Variants in PRKG1 observed in about 807,000 individuals in gnomAD.
The protein encoded by PRKG1 is cGMP-dependent protein kinase 1.
PRKG1 carries 35 observed loss-of-function variants against 88.1 expected under a neutral mutation model. The observed-to-expected ratio is 0.40, with a 90% CI of 0.30 to 0.53. The LOEUF (loss-of-function observed/expected upper bound fraction) is 0.53. PRKG1 is among the 20% of genes least tolerant of loss of function. The pLI is 0.59. For synonymous variants in PRKG1, 303 were observed against 292.5 expected, an observed-to-expected ratio of 1.04 and a Z score of -0.37; for missense variants, 540 against 839.8, an observed-to-expected ratio of 0.64 and a Z score of 4.41.
rs115856698 is a variant in PRKG1 at position 51,024,023 on chromosome 10, T to G, written c.266+32379T>G. Among the ~76,000 whole-genome samples the G allele has an allele frequency of 3.9e-3, 592 of 152,312 alleles. 9 individuals carry two copies. Among genetic ancestry groups the G allele is most frequent in the African/African-American group, 0.013 (561 of 41,568 alleles). On this transcript the variant is annotated intron_variant, in intron 1 of 17. Transcript: ENST00000401604. ...TTTTCAACATATCAGAATAATAGAT[T>G]GCATTCAAAATTTAGCATCTCTGTA... is the stretch of plus-strand genomic sequence containing the variant.
intron 5 of PRKG1, among the ~76,000 whole-genome samples, chr10:51,948,683 G>A (rs1317327363): frequency 1.3e-5 from 2 of 152,058 alleles, no homozygotes; most frequent in Non-Finnish European, 2.9e-5. Flanking sequence ...CAAAGACAGA[G>A]TTTCAACGAG....
At chr10:52,090,061 C>T (rs1324050752) in intron 7 of PRKG1, among the ~76,000 whole-genome samples, 2 of 152,030 alleles carry the variant, frequency 1.3e-5, no homozygotes, top group African/African-American at 4.8e-5. Context: ...GATCCACCTG[C>T]CTTGCCCTCT....
At chr10:52,157,297 G>T in intron 8 of PRKG1, among the ~76,000 whole-genome samples, 1 of 117,874 alleles carries the variant, frequency 8.5e-6, no homozygotes, top group South Asian at 2.7e-4. Flanking sequence ...TATTGTGTGT[G>T]AGTTAGTTGA....
chr10:51,542,006 C>T (rs1223087657), intron 3 of PRKG1, among the ~76,000 whole-genome samples: 5 of 152,052 alleles, frequency 3.3e-5, no homozygotes, highest in Admixed American at 3.3e-4. Context: ...CAGAGACACT[C>T]CAGGCTCTTG....
Position 51,354,560 on chromosome 10 carries a change from TAATAC to T in PRKG1, c.479-113155_479-113151del, listed in dbSNP as rs796524408. Among the ~76,000 whole-genome samples, 183 of 152,244 alleles carry T rather than the reference TAATAC, an allele frequency of 1.2e-3. 3 individuals carry two copies. Among genetic ancestry groups the T allele is most frequent in the African/African-American group, 4.1e-3 (172 of 41,568 alleles). On this transcript the variant is annotated intron_variant, in intron 2 of 17. Coordinates refer to ENST00000373980, the MANE Select transcript of PRKG1 (RefSeq NM_006258.4). ...ACTTCCATATATAATTATAGCTGAA[TAATAC>T]AATACAACAAATGTAAAAATCAACT...
At chr10:51,104,970 A>G (rs1844795252) in intron 1 of PRKG1, among the ~76,000 whole-genome samples, 1 of 152,008 alleles carries the variant, frequency 6.6e-6, no homozygotes, top group African/African-American at 2.4e-5. Context: ...ACCTCAAGTG[A>G]TCACCCACCC....
In PRKG1 at chr10:52,280,863, A is replaced by G; in HGVS notation, c.1478A>G (p.Lys493Arg). 1 of 1,613,416 alleles carries G rather than the reference A, an allele frequency of 6.2e-7. No individual in the cohort carries two copies. Among genetic ancestry groups the G allele is most frequent in the Non-Finnish European group, 8.5e-7 (1 of 1,179,550 alleles). Reference sequence around the variant, plus strand: ...GAAGCTTTTGCCTATCTGCATTCCAAAGGAATCATTTACAGGGACCTCAAG... The same window carrying G: ...GAAGCTTTTGCCTATCTGCATTCCAGAGGAATCATTTACAGGGACCTCAAG... ...VVEAFAYLHS[K>R]GIIYRDLKPE... Residue 493 changes from lysine (K) to arginine (R), a missense_variant, in exon 13 of 18, where the codon AAA (lysine) becomes AGA (arginine). Lys to Arg is a conservative substitution (Grantham distance 26). Transcript: ENST00000373980.
intron 2 of PRKG1, among the ~76,000 whole-genome samples, chr10:51,412,576 G>A (rs924313845): frequency 4.6e-5 from 7 of 152,072 alleles, no homozygotes; most frequent in African/African-American, 7.2e-5. Flanking sequence ...CCCGGGAGGC[G>A]GAGGTTGCAG....
chr10:51,631,487 A>G lies in PRKG1; in HGVS notation c.592+163651A>G, dbSNP rs566542339. ...ACTTGCCACTATAAAGCCTGCCACCAGATGCAGCTTAATTGTCACTTACCA... is the reference window on the plus strand; with the variant it reads ...ACTTGCCACTATAAAGCCTGCCACCGGATGCAGCTTAATTGTCACTTACCA... On this transcript the variant is annotated intron_variant, in intron 3 of 17. Coordinates refer to ENST00000373980, the MANE Select transcript of PRKG1 (RefSeq NM_006258.4). 1.3e-3 allele frequency among the ~76,000 whole-genome samples: 200 copies of G among 152,334 alleles called. 1 individual carries two copies. Among genetic ancestry groups the G allele is most frequent in the Middle Eastern group, 6.8e-3 (2 of 294 alleles).
intron 2 of PRKG1, among the ~76,000 whole-genome samples, chr10:51,438,116 A>G (rs544536359): frequency 2.6e-4 from 39 of 151,864 alleles, no homozygotes; most frequent in African/African-American, 7.7e-4. Flanking sequence ...TCTGATTTGC[A>G]TATGCATTAA....
At chr10:51,329,724 TG>T (rs1261138159) in intron 2 of PRKG1, among the ~76,000 whole-genome samples, 4 of 152,158 alleles carry the variant, frequency 2.6e-5, no homozygotes, top group Non-Finnish European at 5.9e-5. Flanking sequence ...CCTTGTTTTT[TG>T]TTTTTTTGTT....
intron 1 of PRKG1, among the ~76,000 whole-genome samples, chr10:51,142,494 T>G (rs1363381531): frequency 6.6e-6 from 1 of 151,300 alleles, no homozygotes; most frequent in Non-Finnish European, 1.5e-5. Flanking sequence ...AAAAGAGAGA[T>G]AGGAAGATCC....
intron 2 of PRKG1, among the ~76,000 whole-genome samples, chr10:51,296,006 A>C (rs888307509): frequency 6.6e-6 from 1 of 151,996 alleles, no homozygotes; most frequent in Non-Finnish European, 1.5e-5. Flanking sequence ...AGCCATCTTT[A>C]CACCCCAGGG....
At chr10:51,431,326 C>T (rs759973393) in intron 2 of PRKG1, among the ~76,000 whole-genome samples, 32 of 152,236 alleles carry the variant, frequency 2.1e-4, no homozygotes, top group African/African-American at 1.4e-4. Context: ...TAGGGCCACA[C>T]GGGGATGTGC....
intron 5 of PRKG1, among the ~76,000 whole-genome samples, chr10:52,000,352 T>C (rs1234600905): frequency 6.6e-6 from 1 of 152,052 alleles, no homozygotes; most frequent in African/African-American, 2.4e-5. Context: ...CAACAGATGA[T>C]TGAAATGTTT....
intron 5 of PRKG1, among the ~76,000 whole-genome samples, chr10:51,990,924 A>G (rs1479621818): frequency 6.6e-6 from 1 of 152,160 alleles, no homozygotes; most frequent in African/African-American, 2.4e-5. Context: ...ATAGTATTCC[A>G]TGGTGTATAT....
intron 9 of PRKG1, among the ~76,000 whole-genome samples, chr10:52,225,701 A>G (rs569684323): frequency 1.3e-5 from 2 of 152,238 alleles, no homozygotes; most frequent in Non-Finnish European, 2.9e-5. Context: ...ATTCTCCTAC[A>G]TGTGGCTAGC....
chr10:51,760,056 T>G (rs1476679311), intron 3 of PRKG1, among the ~76,000 whole-genome samples: 4 of 152,136 alleles, frequency 2.6e-5, no homozygotes, highest in African/African-American at 9.7e-5. Context: ...CATTATATCT[T>G]ACTTCATGGT....
At chr10:52,150,152 TAATAATAATAATAATAATAATAATAATA>T (rs1837864979) in intron 8 of PRKG1, among the ~76,000 whole-genome samples, 1 of 68,950 alleles carries the variant, frequency 1.5e-5, no homozygotes, top group African/African-American at 3.7e-5. Flanking sequence ...CATCTCAAAA[TAATAATAATAATAATAATAATAATAATA>T]ATAATTTGAT....
Sources: allele counts gnomAD v4.1 joint callset (sites outside exome capture counted in the v4.1 genomes callset), GRCh38; gene constraint gnomAD v4.1.1; transcripts MANE v1.5; gene names NCBI Gene and HGNC (gene_info 2026-07-23, HGNC 2026-07-21).